The following TMEM263 variants were observed in gnomAD, a reference collection of about 807,000 sequenced individuals.
TMEM263 encodes UPF0444 transmembrane protein C12orf23.
A neutral mutation model predicts 8.6 loss-of-function variants in TMEM263; 5 were observed. The ratio of observed to expected loss-of-function variants is 0.58; its 90% CI spans 0.31 to 1.23. The LOEUF is 1.23. Among genes scored for constraint, TMEM263 ranks in the 50% most tolerant of loss-of-function variants. TMEM263 has a pLI of 0.07. For missense variants in TMEM263, 104 were observed against 138.8 expected (o/e 0.75, Z 1.26); for synonymous variants, 50 against 47.9 (o/e 1.04, Z -0.18).
intron 2 of TMEM263, among the ~76,000 whole-genome samples, chr12:106,964,114 C>T (rs1004921447): frequency 6.6e-6 from 1 of 152,082 alleles, no homozygotes; most frequent in South Asian, 2.1e-4. Context: ...GGTGTCTGTC[C>T]TCTTGAAATT....
intron 2 of TMEM263, among the ~76,000 whole-genome samples, chr12:106,965,063 C>G (rs1428189575): frequency 2.0e-5 from 3 of 150,770 alleles, no homozygotes; most frequent in Non-Finnish European, 4.4e-5. Context: ...TCATCACCTT[C>G]AAGGGCCTAT....
At chr12:106,968,298 A>C (rs1245282942) in intron 3 of TMEM263, among the ~76,000 whole-genome samples, 1 of 152,156 alleles carries the variant, frequency 6.6e-6, no homozygotes, top group Non-Finnish European at 1.5e-5. Context: ...AAGAATTCAA[A>C]AGAACTATCG....
intron 2 of TMEM263, among the ~76,000 whole-genome samples, chr12:106,962,217 AC>A (rs201575974): frequency 2.1e-5 from 3 of 144,770 alleles, no homozygotes; most frequent in East Asian, 2.2e-4. Flanking sequence ...TGTATTTCTA[AC>A]CCCCCCCGCC....
chr12:106,957,530 G>A (rs1296854441), intron 2 of TMEM263, among the ~76,000 whole-genome samples: 2 of 151,328 alleles, frequency 1.3e-5, no homozygotes, highest in Non-Finnish European at 2.9e-5. Flanking sequence ...TTCTATTTCC[G>A]GAAGATATCT....
intron 2 of TMEM263, among the ~76,000 whole-genome samples, chr12:106,957,628 C>T (rs1293216942): frequency 6.6e-6 from 1 of 152,132 alleles, no homozygotes; most frequent in African/African-American, 2.4e-5. Context: ...ATGTTTGACA[C>T]ATAGTAGGAA....
At chr12:106,963,664 T>C (rs1009114701) in intron 2 of TMEM263, among the ~76,000 whole-genome samples, 1 of 152,196 alleles carries the variant, frequency 6.6e-6, no homozygotes, top group Non-Finnish European at 1.5e-5. Context: ...ACTCTGCTCA[T>C]GGGTTCTTAA....
At chr12:106,956,531 C>T (rs1319357391) in intron 1 of TMEM263, among the ~76,000 whole-genome samples, 1 of 152,132 alleles carries the variant, frequency 6.6e-6, no homozygotes. Context: ...CATAGCTCTT[C>T]CTGGGTAGGA....
chr12:106,959,703 G>A (rs1412233969), intron 2 of TMEM263, among the ~76,000 whole-genome samples: 1 of 152,120 alleles, frequency 6.6e-6, no homozygotes, highest in Non-Finnish European at 1.5e-5. Flanking sequence ...AATATAAGAA[G>A]TATTTCTCTT....
At chr12:106,965,381 C>T (rs547255003) in intron 2 of TMEM263, among the ~76,000 whole-genome samples, 162 of 152,094 alleles carry the variant, frequency 1.1e-3, no homozygotes, top group Non-Finnish European at 2.0e-3. Flanking sequence ...CCGAGGTAGG[C>T]GGATCATCTG....
chr12:106,968,068 G>A (rs1044850723), intron 3 of TMEM263, among the ~76,000 whole-genome samples: 1 of 152,118 alleles, frequency 6.6e-6, no homozygotes, highest in Non-Finnish European at 1.5e-5. Flanking sequence ...CTAGAGGCAT[G>A]TTTTTGGTAT....
intron 2 of TMEM263, among the ~76,000 whole-genome samples, chr12:106,964,263 G>A (rs1471501861): frequency 2.6e-5 from 4 of 152,144 alleles, no homozygotes; most frequent in Admixed American, 2.0e-4. Flanking sequence ...GGCTAGAATT[G>A]TCTTTGATTT....
In TMEM263 at chr12:106,956,074, G is replaced by T; in HGVS notation, c.-75+9G>T. On this transcript the variant is annotated intron_variant, in intron 1 of 3. Coordinates refer to ENST00000280756, the MANE Select transcript of TMEM263 (RefSeq NM_152261.4). ...TGGCCGCGACCCCGGCGGTGAGTGA[G>T]TCGGGATGCGAGGGCAGGGGCGCAG... 1 of 982,822 alleles carries T rather than the reference G, an allele frequency of 1.0e-6. No individual in the cohort carries two copies. The highest frequency in any genetic ancestry group is 1.2e-6 in the Non-Finnish European group (1 of 827,566). The allele number at this position is 982,822 out of a possible 1,614,324, so 60.9% of individuals were successfully genotyped here.
chr12:106,966,266 C>T (rs1951846118), intron 2 of TMEM263, among the ~76,000 whole-genome samples: 1 of 152,164 alleles, frequency 6.6e-6, no homozygotes, highest in African/African-American at 2.4e-5. Context: ...AGTGTTAGCT[C>T]ACTTAGGATC....
At chr12:106,964,693 T>C (rs1332675920) in intron 2 of TMEM263, among the ~76,000 whole-genome samples, 2 of 152,226 alleles carry the variant, frequency 1.3e-5, no homozygotes, top group Admixed American at 6.5e-5. Flanking sequence ...ACTAGAGCAA[T>C]TGAAAGCTAT....
At chr12:106,965,432 C>T (rs1158403368) in intron 2 of TMEM263, among the ~76,000 whole-genome samples, 1 of 151,994 alleles carries the variant, frequency 6.6e-6, no homozygotes, top group East Asian at 1.9e-4. Flanking sequence ...CATGGTGAAA[C>T]CCCATCTCTA....
At chr12:106,964,056 G>A (rs1951813886) in intron 2 of TMEM263, among the ~76,000 whole-genome samples, 1 of 152,100 alleles carries the variant, frequency 6.6e-6, no homozygotes, top group South Asian at 2.1e-4. Context: ...TATGTGTATG[G>A]TATTAATATA....
intron 2 of TMEM263, among the ~76,000 whole-genome samples, chr12:106,961,753 G>A (rs1951781153): frequency 6.6e-6 from 1 of 152,210 alleles, no homozygotes; most frequent in African/African-American, 2.4e-5. Context: ...GAGCTATTAA[G>A]TGTTGTAGTG....
At position 106,971,819 on chromosome 12, in the gene TMEM263, T is replaced by A. The variant is rs546124011; in HGVS notation, c.*428T>A. 44 of 154,480 alleles carry A rather than the reference T, an allele frequency of 2.8e-4. No homozygotes were observed. The highest frequency in any genetic ancestry group is 5.2e-4 in the Non-Finnish European group (36 of 69,338). 9.6% of individuals were successfully genotyped at this position (154,480 alleles called of 1,614,324 possible). A position where few individuals can be genotyped will look rare whatever the true frequency, so the allele number is the denominator to read the frequency against. On this transcript the variant is annotated 3_prime_UTR_variant, in exon 4 of 4. Coordinates refer to ENST00000280756, the MANE Select transcript of TMEM263 (RefSeq NM_152261.4). Reference sequence around the variant, plus strand: ...CTTTGATGTGCCTAATAGTTTCAGATGTCTTAGTTTTTTATAACCATAGTT... The same window carrying A: ...CTTTGATGTGCCTAATAGTTTCAGAAGTCTTAGTTTTTTATAACCATAGTT...
At chr12:106,970,868 T>C (rs1380558960) in intron 3 of TMEM263, among the ~76,000 whole-genome samples, 1 of 152,166 alleles carries the variant, frequency 6.6e-6, no homozygotes, top group African/African-American at 2.4e-5. Flanking sequence ...AGTTGTCTAG[T>C]CTCTAAAGCA....
Sources: gnomAD v4.1 joint callset for allele counts (sites outside exome capture counted in the v4.1 genomes callset) on GRCh38, gnomAD v4.1.1 for gene constraint, MANE v1.5 for transcripts, NCBI Gene and HGNC (gene_info 2026-07-23, HGNC 2026-07-21) for gene names.